The following ETNK1 variants were observed in gnomAD, a reference collection of about 807,000 sequenced individuals.
ETNK1 encodes the protein ethanolamine kinase 1.
A neutral mutation model predicts 45.1 loss-of-function variants in ETNK1; 8 were observed. The observed-to-expected ratio is 0.18, with a 90% confidence interval of 0.10 to 0.32. The LOEUF is 0.32. Among genes scored for constraint, ETNK1 ranks in the 10% least tolerant of loss-of-function variants. The probability of loss-of-function intolerance (pLI) is 1.00; values close to 1 mark genes in which losing one functional copy is unlikely to be tolerated. For missense variants in ETNK1, 302 were observed against 430.6 expected, an observed-to-expected ratio of 0.70 and a Z score of 2.64; for synonymous variants, 152 against 151.9, an observed-to-expected ratio of 1.00 and a Z score of -0.01.
intron 6 of ETNK1, among the ~76,000 whole-genome samples, chr12:22,682,774 C>G (rs1247602696): frequency 6.6e-6 from 1 of 152,084 alleles, no homozygotes; most frequent in East Asian, 1.9e-4. Context: ...TGCTTTTGAA[C>G]CATTGGTGCA....
In ETNK1 at chr12:22,665,313, A is replaced by G. The variant is rs768313438; in HGVS notation, c.700+4108A>G. Among the ~76,000 whole-genome samples, 125 of 152,290 alleles carry G rather than the reference A, an allele frequency of 8.2e-4. 1 individual carries two copies. Among genetic ancestry groups the G allele is most frequent in the African/African-American group, 2.8e-3 (118 of 41,576 alleles). ...CATGACCAATTACAAAATAATTTTT[A>G]TAGATAGGCTTAGAAATTTTATGTT... On this transcript the variant is annotated intron_variant, in intron 4 of 7. Transcript: ENST00000266517.
chr12:22,630,464 G>A (rs1442927718), intron 1 of ETNK1, among the ~76,000 whole-genome samples: 1 of 152,100 alleles, frequency 6.6e-6, no homozygotes, highest in African/African-American at 2.4e-5. Flanking sequence ...AGCTTTGAAG[G>A]GTAGATGAGA....
At chr12:22,649,486 A>G (rs1953847818) in intron 2 of ETNK1, among the ~76,000 whole-genome samples, 1 of 152,034 alleles carries the variant, frequency 6.6e-6, no homozygotes, top group African/African-American at 2.4e-5. Context: ...TTTCTCCATT[A>G]TATTTCCTAT....
At chr12:22,628,047 G>T (rs1488397950) in intron 1 of ETNK1, among the ~76,000 whole-genome samples, 1 of 152,046 alleles carries the variant, frequency 6.6e-6, no homozygotes, top group Non-Finnish European at 1.5e-5. Context: ...AGGAGATGGT[G>T]AGGTTTTCGG....
chr12:22,659,250 G>T, intron 3 of ETNK1, 96 bp downstream of exon 3: 1 of 1,290,554 alleles, frequency 7.7e-7, no homozygotes, highest in Non-Finnish European at 1.0e-6. Context: ...TATAAAATCT[G>T]GTTTTCTTTC....
chr12:22,644,493 A>T, intron 2 of ETNK1: 1 of 663,046 alleles, frequency 1.5e-6, no homozygotes, highest in Non-Finnish European at 2.0e-6. Context: ...TATATGCTTG[A>T]TCATTTTTCC....
chr12:22,651,917 C>T (rs1308320097), intron 2 of ETNK1, among the ~76,000 whole-genome samples: 2 of 152,070 alleles, frequency 1.3e-5, no homozygotes, highest in East Asian at 1.9e-4. Context: ...AACTCCAGAC[C>T]TCAGGTGATC....
chr12:22,682,374 G>A, intron 6 of ETNK1: 1 of 381,756 alleles, frequency 2.6e-6, no homozygotes. Flanking sequence ...GAAAATGTCT[G>A]CCAAATACTC....
intron 2 of ETNK1, among the ~76,000 whole-genome samples, chr12:22,648,134 T>C (rs1038739079): frequency 1.3e-5 from 2 of 151,898 alleles, no homozygotes; most frequent in Non-Finnish European, 2.9e-5. Flanking sequence ...CCAGATCCCC[T>C]CCTTCCTCCA....
At chr12:22,649,988 T>C in intron 2 of ETNK1, among the ~76,000 whole-genome samples, 1 of 152,192 alleles carries the variant, frequency 6.6e-6, no homozygotes, top group Non-Finnish European at 1.5e-5. Flanking sequence ...CAGAGTTTTA[T>C]AGTCTTCCTC....
intron 2 of ETNK1, among the ~76,000 whole-genome samples, chr12:22,648,231 T>C: frequency 6.6e-6 from 1 of 151,886 alleles, no homozygotes; most frequent in East Asian, 1.9e-4. Context: ...TCACCCAAAG[T>C]CCACAGTTTA....
intron 2 of ETNK1, chr12:22,656,618 C>G (rs1310240268): frequency 5.1e-6 from 5 of 985,270 alleles, no homozygotes; most frequent in Admixed American, 6.2e-5. Flanking sequence ...CACACCTGTT[C>G]TGAATCCAGC....
intron 2 of ETNK1, among the ~76,000 whole-genome samples, chr12:22,653,579 G>A (rs1165902344): frequency 4.0e-5 from 6 of 151,806 alleles, no homozygotes; most frequent in Non-Finnish European, 7.4e-5. Flanking sequence ...CCTCAATTAC[G>A]GTTATTCCTG....
At chr12:22,671,574 C>T (rs556878913) in intron 5 of ETNK1, among the ~76,000 whole-genome samples, 1 of 152,038 alleles carries the variant, frequency 6.6e-6, no homozygotes, top group East Asian at 1.9e-4. Flanking sequence ...CGCGGTGGCT[C>T]ACGCCTGTAA....
chr12:22,680,803 T>A (rs1440923826), intron 6 of ETNK1, among the ~76,000 whole-genome samples: 3 of 152,060 alleles, frequency 2.0e-5, no homozygotes, highest in Non-Finnish European at 2.9e-5. Flanking sequence ...CATTGATTGT[T>A]TAATGTTGAG....
At chr12:22,626,102 G>C (rs1953491225) in intron 1 of ETNK1, 1 of 337,308 alleles carries the variant, frequency 3.0e-6, no homozygotes, top group Non-Finnish European at 5.9e-6. Flanking sequence ...CCACGACCAT[G>C]CATCGCTAGG....
At chr12:22,659,253 TTTC>T in intron 3 of ETNK1, 99 bp downstream of exon 3, 1 of 1,245,680 alleles carries the variant, frequency 8.0e-7, no homozygotes, top group Non-Finnish European at 1.1e-6. Flanking sequence ...AAAATCTGGT[TTTC>T]TTTCTTTGCA....
chr12:22,650,795 A>C lies in ETNK1; in HGVS notation c.416+6773A>C, dbSNP rs182928313. On this transcript the variant is annotated intron_variant, in intron 2 of 7. Transcript: ENST00000266517. The stretch of plus-strand genomic sequence containing the variant: ...TCTGTTGTATATAATATTTGCTAGC[A>C]GAAAACAATTGAGGTATACTTGATT... 3.2e-3 allele frequency among the ~76,000 whole-genome samples: 486 copies of C among 152,296 alleles called. 3 individuals carry two copies. Among genetic ancestry groups the C allele is most frequent in the South Asian group, 0.017 (84 of 4,824 alleles).
intron 2 of ETNK1, among the ~76,000 whole-genome samples, 155 bp from the exon 3 acceptor site, chr12:22,658,834 TACTCTTGCTAAACTGACTCAGTAGG>T (rs1297511733): frequency 6.6e-6 from 1 of 152,178 alleles, no homozygotes; most frequent in African/African-American, 2.4e-5. Flanking sequence ...AGGGTGGGGA[TACTCTTGCTAAACTGACTCAGTAGG>T]GTTCTTGCTA....
Sources: allele counts gnomAD v4.1 joint callset (sites outside exome capture counted in the v4.1 genomes callset), GRCh38; gene constraint gnomAD v4.1.1; transcripts MANE v1.5; gene names NCBI Gene and HGNC (gene_info 2026-07-23, HGNC 2026-07-21).